LRRFIP1: variants seen among roughly 807,000 people sequenced by gnomAD.
LRRFIP1 encodes leucine-rich repeat flightless-interacting protein 1.
A neutral mutation model predicts 104.4 loss-of-function variants in LRRFIP1; 62 were observed. That is an observed-to-expected ratio of 0.59 (90% CI 0.48 to 0.73). LRRFIP1 has a LOEUF of 0.73. LRRFIP1 is among the 30% of genes least tolerant of loss of function. The pLI, the probability that LRRFIP1 is intolerant of heterozygous loss-of-function variation, is 0.00. For missense variants in LRRFIP1, 796 were observed against 824.5 expected, an observed-to-expected ratio of 0.97 and a Z score of 0.42; for synonymous variants, 300 against 299.0, an observed-to-expected ratio of 1.00 and a Z score of -0.03.
intron 19 of LRRFIP1, chr2:237,769,244 TC>T: frequency 6.6e-6 from 1 of 152,346 alleles, no homozygotes; most frequent in Non-Finnish European, 1.5e-5. Context: ...CTCTAAACCC[TC>T]CCCTAGCCGT....
chr2:237,629,497 A>C (rs2082053031), intron 1 of LRRFIP1, among the ~76,000 whole-genome samples: 3 of 130,688 alleles, frequency 2.3e-5, no homozygotes, highest in African/African-American at 8.8e-5. Context: ...TTTTTAACAC[A>C]GTCTCACTCT....
At chr2:237,724,626 G>A (rs372710689) in intron 7 of LRRFIP1, among the ~76,000 whole-genome samples, 1 of 152,116 alleles carries the variant, frequency 6.6e-6, no homozygotes, top group Non-Finnish European at 1.5e-5. Flanking sequence ...TGGCAGGTGA[G>A]GGCATTTCTG....
Position 237,774,421 on chromosome 2 carries a change from G to A in LRRFIP1, c.1771G>A (p.Glu591Lys), listed in dbSNP as rs1419228379. 2 of 1,613,774 alleles carry A rather than the reference G, an allele frequency of 1.2e-6. No individual in the cohort carries two copies. Among genetic ancestry groups the A allele is most frequent in the East Asian group, 4.5e-5 (2 of 44,886 alleles). ...KSAAENAEKI[E>K]DELKAEKRKL... ...AGCGGCTGAAAATGCAGAAAAAATA[G>A]AAGATGAACTTAAGGCAGAAAAACG... The change falls in exon 23 of 24, where the codon GAA (glutamate) becomes AAA (lysine). Residue 591 changes from glutamate (E) to lysine (K), a missense_variant. By Grantham distance (56) the Glu-to-Lys change is moderately conservative. Coordinates refer to ENST00000308482, the MANE Select transcript of LRRFIP1 (RefSeq NM_001137550.2).
At chr2:237,642,928 C>T (rs1317221200) in intron 1 of LRRFIP1, among the ~76,000 whole-genome samples, 1 of 152,214 alleles carries the variant, frequency 6.6e-6, no homozygotes, top group East Asian at 1.9e-4. Flanking sequence ...GAAGGAAGGG[C>T]TGCAGGGCCA....
At chr2:237,739,051 A>G (rs1032719969) in intron 10 of LRRFIP1, among the ~76,000 whole-genome samples, 181 bp from the exon 11 acceptor site, 34 of 152,216 alleles carry the variant, frequency 2.2e-4, no homozygotes, top group African/African-American at 7.7e-4. Context: ...TTTTATTCTT[A>G]GCGAGCACTG....
intron 19 of LRRFIP1, chr2:237,763,701 T>C: frequency 6.2e-7 from 1 of 1,614,142 alleles, no homozygotes; most frequent in Non-Finnish European, 8.5e-7. Context: ...GGTGATGATG[T>C]ACAAACAGCA....
At chr2:237,730,524 C>CCA (rs2150317109) in intron 8 of LRRFIP1, among the ~76,000 whole-genome samples, 1 of 152,154 alleles carries the variant, frequency 6.6e-6, no homozygotes, top group East Asian at 1.9e-4. Flanking sequence ...AGAACAGAAG[C>CCA]CACCGGCACC....
intron 1 of LRRFIP1, among the ~76,000 whole-genome samples, chr2:237,631,679 C>T (rs936276002): frequency 6.6e-6 from 1 of 152,180 alleles, no homozygotes; most frequent in Non-Finnish European, 1.5e-5. Flanking sequence ...ATTTTGGTAG[C>T]ATCCCAAACT....
chr2:237,651,922 T>C (rs1263370377), intron 1 of LRRFIP1, among the ~76,000 whole-genome samples: 2 of 152,238 alleles, frequency 1.3e-5, no homozygotes, highest in Non-Finnish European at 2.9e-5. Flanking sequence ...GTTCACAGGC[T>C]CGGGCGCTGC....
At chr2:237,656,072 A>G (rs2086765422) in intron 1 of LRRFIP1, among the ~76,000 whole-genome samples, 1 of 152,234 alleles carries the variant, frequency 6.6e-6, no homozygotes, top group South Asian at 2.1e-4. Flanking sequence ...TAATTGGGGA[A>G]TAAAAGGTAA....
At chr2:237,692,078 G>T in intron 1 of LRRFIP1, 1 of 560,764 alleles carries the variant, frequency 1.8e-6, no homozygotes, top group Non-Finnish European at 2.2e-6. Flanking sequence ...GGGCGGGGGC[G>T]GTGGGGCGAG....
rs2085570655 is a variant in LRRFIP1 at position 237,649,638 on chromosome 2, C to A, written c.96+21898C>A. 6.6e-6 allele frequency among the ~76,000 whole-genome samples: 1 copy of A among 151,940 alleles called. No individual in the cohort carries two copies. Among genetic ancestry groups the A allele is most frequent in the African/African-American group, 2.4e-5 (1 of 41,428 alleles). ...TTTTTCTGAGAAGAAGGTGACTTTTCCCGGTTGCTGTCCATGCAGACTGTG... is the reference window on the plus strand; with the variant it reads ...TTTTTCTGAGAAGAAGGTGACTTTTACCGGTTGCTGTCCATGCAGACTGTG... On this transcript the variant is annotated intron_variant, in intron 1 of 23. Coordinates refer to ENST00000308482, the MANE Select transcript of LRRFIP1 (RefSeq NM_001137550.2). The surrounding 1 kb of genome is among the most constrained non-coding windows in gnomAD (Gnocchi z 4.1).
intron 3 of LRRFIP1, among the ~76,000 whole-genome samples, chr2:237,714,903 G>A (rs1358912051): frequency 6.6e-6 from 1 of 152,242 alleles, no homozygotes; most frequent in Non-Finnish European, 1.5e-5. Context: ...GAAGTCAGAA[G>A]TGAGCGAGTT....
intron 1 of LRRFIP1, among the ~76,000 whole-genome samples, chr2:237,639,834 C>G (rs577244285): frequency 3.5e-4 from 54 of 152,306 alleles, no homozygotes; most frequent in African/African-American, 1.3e-3. Context: ...CTGTCCTATG[C>G]ATTATAGGAT....
chr2:237,666,298 G>T (rs56199309), intron 1 of LRRFIP1, among the ~76,000 whole-genome samples: 12,627 of 152,300 alleles, frequency 0.083, 603 homozygotes, highest in East Asian at 0.19. Flanking sequence ...AGATATTCTT[G>T]GTTTTTGGTT....
Position 237,694,179 on chromosome 2 carries a change from A to G in LRRFIP1, c.97-14365A>G, listed in dbSNP as rs1031791417. ...TGTGAATTTTCTTACGTTTCTCTGC[A>G]GTCTTGTTGATGTCTTTGATTAAGG... On this transcript the variant is annotated intron_variant, in intron 1 of 23. Coordinates refer to ENST00000308482, the MANE Select transcript of LRRFIP1 (RefSeq NM_001137550.2). Among the ~76,000 whole-genome samples the G allele has an allele frequency of 2.6e-5, 4 of 152,174 alleles. No individual in the cohort carries two copies. The South Asian group carries it at 6.2e-4, about 24-fold the overall frequency.
chr2:237,774,435 G>A lies in LRRFIP1; in HGVS notation c.1785G>A (p.Lys595=). 1 of 1,613,274 alleles carries A rather than the reference G, an allele frequency of 6.2e-7. No homozygotes were observed. The highest frequency in any genetic ancestry group is 8.5e-7 in the Non-Finnish European group (1 of 1,179,534). The change falls in exon 23 of 24, where the codon AAG becomes AAA. Residue 595 remains lysine (K), a synonymous_variant. Coordinates refer to ENST00000308482, the MANE Select transcript of LRRFIP1 (RefSeq NM_001137550.2). ...ENAEKIEDEL[K]AEKRKLQREL... ...CAGAAAAAATAGAAGATGAACTTAA[G>A]GCAGAAAAACGGAAACTCCAAAGAG...
intron 20 of LRRFIP1, among the ~76,000 whole-genome samples, chr2:237,771,675 C>A (rs1377025271): frequency 6.6e-6 from 1 of 151,922 alleles, no homozygotes; most frequent in Admixed American, 6.6e-5. Flanking sequence ...AACACACCTG[C>A]AGCTGGCCTG....
At chr2:237,779,266 G>A in intron 23 of LRRFIP1, 156 bp from the exon 24 acceptor site, 3 of 794,110 alleles carry the variant, frequency 3.8e-6, no homozygotes, top group Non-Finnish European at 4.6e-6. Context: ...CCTCTCTGGA[G>A]TCCAGTTGTT....
Sources: gnomAD v4.1 joint callset for allele counts (sites outside exome capture counted in the v4.1 genomes callset) on GRCh38, gnomAD v4.1.1 for gene constraint, Gnocchi (gnomAD v3.1) non-coding constraint, MANE v1.5 for transcripts, NCBI Gene and HGNC (gene_info 2026-07-23, HGNC 2026-07-21) for gene names.